MGST2: variants seen among roughly 807,000 people sequenced by gnomAD.
The protein encoded by MGST2 is glutathione peroxidase MGST2.
Under a neutral mutation model 16.6 loss-of-function variants are expected in MGST2, and 9 were observed. The ratio of observed to expected loss-of-function variants is 0.54; its 90% CI spans 0.33 to 0.95. MGST2 has a LOEUF of 0.95. Ranked by LOEUF, MGST2 falls within the 40% of genes least tolerant of loss-of-function variation. The probability of loss-of-function intolerance (pLI) is 0.03; values close to 1 mark genes in which losing one functional copy is unlikely to be tolerated. For missense variants in MGST2, 159 were observed against 175.1 expected, an observed-to-expected ratio of 0.91 and a Z score of 0.52; for synonymous variants, 79 against 68.0, an observed-to-expected ratio of 1.16 and a Z score of -0.79.
intron 5 of MGST2, chr4:139,717,157 T>C (rs1728008433): frequency 6.6e-6 from 1 of 152,614 alleles, no homozygotes; most frequent in Non-Finnish European, 1.5e-5. Flanking sequence ...AGCACCGTAG[T>C]AAAAACAAAA....
chr4:139,725,144 G>A (rs754797132), intron 5 of MGST2, among the ~76,000 whole-genome samples: 2 of 152,190 alleles, frequency 1.3e-5, no homozygotes, highest in Non-Finnish European at 2.9e-5. Flanking sequence ...CTGACATACA[G>A]TGCGCCCACT....
chr4:139,729,576 A>G (rs2246759), intron 5 of MGST2, among the ~76,000 whole-genome samples: 55,109 of 152,098 alleles, frequency 0.36, 11,039 homozygotes, highest in Middle Eastern at 0.51. Flanking sequence ...CTCCTATAAG[A>G]AAGAGCCTGC....
chr4:139,666,142 T>G (rs1269898873), intron 1 of MGST2, 65 bp downstream of exon 1: 2 of 1,512,922 alleles, frequency 1.3e-6, no homozygotes, highest in Non-Finnish European at 1.8e-6. Context: ...GTGACAAGGC[T>G]TGCGGGAGAG....
chr4:139,719,295 G>A (rs773415307), intron 5 of MGST2: 26 of 1,535,954 alleles, frequency 1.7e-5, no homozygotes, highest in East Asian at 2.3e-5. Flanking sequence ...TTAACCACTC[G>A]AGTTGTGGAT....
At chr4:139,714,238 G>A (rs182211522) in intron 5 of MGST2, among the ~76,000 whole-genome samples, 2 of 152,158 alleles carry the variant, frequency 1.3e-5, no homozygotes, top group Non-Finnish European at 1.5e-5. Context: ...ACAGAAAAAC[G>A]AATTCATGGC....
At chr4:139,721,934 G>C (rs1159838908) in intron 5 of MGST2, among the ~76,000 whole-genome samples, 1 of 152,154 alleles carries the variant, frequency 6.6e-6, no homozygotes, top group Non-Finnish European at 1.5e-5. Flanking sequence ...CAACTGTGGT[G>C]AAATGGGTTA....
At chr4:139,691,502 C>A (rs1257977079) in intron 2 of MGST2, among the ~76,000 whole-genome samples, 3 of 152,078 alleles carry the variant, frequency 2.0e-5, no homozygotes, top group Non-Finnish European at 4.4e-5. Flanking sequence ...GACCCAGAAT[C>A]AGGCAGAAGG....
At chr4:139,730,757 C>T (rs1728674066) in intron 5 of MGST2, 6 of 1,206,398 alleles carry the variant, frequency 5.0e-6, no homozygotes, top group Non-Finnish European at 7.0e-6. Context: ...GGGAACGGGG[C>T]AGAAGTCCCA....
At chr4:139,753,193 C>A in the MGST2 span, among the ~76,000 whole-genome samples, 1 of 152,120 alleles carries the variant, frequency 6.6e-6, no homozygotes, top group Non-Finnish European at 1.5e-5. Context: ...CATTTTAACT[C>A]CTTTTAAGTG....
chr4:139,702,431 A>C (rs2110902960), intron 3 of MGST2, among the ~76,000 whole-genome samples: 1 of 152,290 alleles, frequency 6.6e-6, no homozygotes, highest in Non-Finnish European at 1.5e-5. Context: ...GGAATCATAC[A>C]GTATGTAGCC....
At chr4:139,701,880 T>C (rs1347043664) in intron 3 of MGST2, among the ~76,000 whole-genome samples, 1 of 151,970 alleles carries the variant, frequency 6.6e-6, no homozygotes, top group Non-Finnish European at 1.5e-5. Context: ...GGTGGGAGGA[T>C]TGCTTGAGCC....
chr4:139,693,232 C>T (rs1376960958), intron 2 of MGST2, among the ~76,000 whole-genome samples: 6 of 150,834 alleles, frequency 4.0e-5, no homozygotes, highest in Admixed American at 6.6e-5. Context: ...GATGAAACCC[C>T]GTCTCTACTA....
intron 3 of MGST2, among the ~76,000 whole-genome samples, chr4:139,699,297 C>G (rs1727108864): frequency 6.6e-6 from 1 of 152,202 alleles, no homozygotes; most frequent in Non-Finnish European, 1.5e-5. Context: ...TTACATTTCT[C>G]TCAACTACAA....
chr4:139,669,012 G>C (rs188832134), intron 1 of MGST2, among the ~76,000 whole-genome samples: 130 of 152,282 alleles, frequency 8.5e-4, no homozygotes, highest in African/African-American at 2.9e-3. Context: ...CTGTGAAATG[G>C]CAGGGGGCTT....
intron 1 of MGST2, among the ~76,000 whole-genome samples, chr4:139,675,183 C>T (rs1242662749): frequency 3.9e-5 from 6 of 152,308 alleles, no homozygotes; most frequent in African/African-American, 1.4e-4. Flanking sequence ...ATTATCTTCT[C>T]GCTTAGCGGG....
intron 3 of MGST2, among the ~76,000 whole-genome samples, chr4:139,701,973 A>AG (rs906836087): frequency 6.6e-6 from 1 of 151,282 alleles, no homozygotes; most frequent in African/African-American, 2.4e-5. Flanking sequence ...CTCAAGAAAA[A>AG]AAAAAAATCA....
At chr4:139,729,998 C>A (rs1728636203) in intron 5 of MGST2, among the ~76,000 whole-genome samples, 1 of 152,236 alleles carries the variant, frequency 6.6e-6, no homozygotes, top group South Asian at 2.1e-4. Flanking sequence ...AATTCCTCTT[C>A]CTGTCAATTT....
At chr4:139,710,343 C>G (rs565344581) in intron 5 of MGST2, among the ~76,000 whole-genome samples, 1 of 152,202 alleles carries the variant, frequency 6.6e-6, no homozygotes, top group Non-Finnish European at 1.5e-5. Flanking sequence ...TCCCCCATCA[C>G]CATACTTACT....
chr4:139,678,963 T>C (rs1410711279), intron 2 of MGST2: 3 of 405,472 alleles, frequency 7.4e-6, no homozygotes, highest in African/African-American at 2.0e-5. Flanking sequence ...ACCACAATAG[T>C]CTGAAGTTGG....
Sources: gnomAD v4.1 joint callset for allele counts (sites outside exome capture counted in the v4.1 genomes callset) on GRCh38, gnomAD v4.1.1 for gene constraint, MANE v1.5 for transcripts, NCBI Gene and HGNC (gene_info 2026-07-23, HGNC 2026-07-21) for gene names.